The following ASIC2 variants were observed in gnomAD, a reference collection of about 807,000 sequenced individuals.
The protein encoded by ASIC2 is acid sensing ion channel subunit 2.
In ASIC2, 25 loss-of-function variants were observed where a neutral mutation model predicts 57.3. That is an observed-to-expected ratio of 0.44 (90% confidence interval 0.32 to 0.61). The LOEUF (loss-of-function observed/expected upper bound fraction) is 0.61, where lower values mean the gene tolerates loss of function less well. ASIC2 is among the 20% of genes least tolerant of loss of function. The pLI, the probability that ASIC2 is intolerant of heterozygous loss-of-function variation, is 0.06. For synonymous variants in ASIC2, 319 were observed against 307.5 expected, an observed-to-expected ratio of 1.04 and a Z score of -0.39; for missense variants, 641 against 738.1, an observed-to-expected ratio of 0.87 and a Z score of 1.52.
intron 1 of ASIC2, among the ~76,000 whole-genome samples, chr17:33,316,529 C>T (rs1218354813): frequency 6.6e-6 from 1 of 152,218 alleles, no homozygotes; most frequent in Non-Finnish European, 1.5e-5. Flanking sequence ...CTCAAGTCAT[C>T]CGCCCATCTT....
chr17:33,229,529 G>A (rs954478098), intron 1 of ASIC2, among the ~76,000 whole-genome samples: 9 of 152,148 alleles, frequency 5.9e-5, no homozygotes, highest in African/African-American at 9.7e-5. Flanking sequence ...AAGAGAAAAC[G>A]CCTGAGCTGG....
Position 33,060,252 on chromosome 17 carries a change from A to G in ASIC2, c.987+28611T>C, listed in dbSNP as rs144105361. On this transcript the variant is annotated intron_variant, in intron 3 of 9. Transcript: ENST00000225823. ...GTCCTTGCCCATGCCTATGTCCTGA[A>G]TGGTATTGCCTAGGTTTTCTTCTAG... Among the ~76,000 whole-genome samples, 1,427 of 152,242 alleles carry G rather than the reference A, an allele frequency of 9.4e-3. 23 individuals carry two copies. Among genetic ancestry groups the G allele is most frequent in the Middle Eastern group, 0.061 (18 of 294 alleles).
intron 1 of ASIC2, among the ~76,000 whole-genome samples, chr17:33,600,125 A>T (rs1294330265): frequency 6.6e-6 from 1 of 152,144 alleles, no homozygotes; most frequent in Non-Finnish European, 1.5e-5. Context: ...AATCCTTTTC[A>T]TGGGTAAGTC....
chr17:34,038,570 G>A (rs538408051), intron 1 of ASIC2: 47 of 1,608,950 alleles, frequency 2.9e-5, no homozygotes, highest in East Asian at 1.1e-4. Flanking sequence ...GTCATTTAGC[G>A]TTGGATGATA....
chr17:33,283,527 C>T (rs1313646547), intron 1 of ASIC2, among the ~76,000 whole-genome samples: 1 of 152,182 alleles, frequency 6.6e-6, no homozygotes, highest in Non-Finnish European at 1.5e-5. Flanking sequence ...AGTTTAGTAC[C>T]AGTTCTTTTC....
At chr17:33,615,807 C>T (rs1023594203) in intron 1 of ASIC2, among the ~76,000 whole-genome samples, 85 of 152,156 alleles carry the variant, frequency 5.6e-4, no homozygotes, top group African/African-American at 2.0e-3. Context: ...ACATTAATAA[C>T]TCTTGAACTT....
chr17:33,108,287 C>A (rs2092243193), intron 2 of ASIC2, among the ~76,000 whole-genome samples: 1 of 152,208 alleles, frequency 6.6e-6, no homozygotes, highest in Non-Finnish European at 1.5e-5. Context: ...CTGCCACGGG[C>A]ACATTTCAAT....
chr17:34,032,902 C>A (rs1276498261), intron 1 of ASIC2, among the ~76,000 whole-genome samples: 3 of 152,140 alleles, frequency 2.0e-5, no homozygotes, highest in Admixed American at 2.0e-4. Flanking sequence ...AAGACTCCCA[C>A]ACAATAATAA....
chr17:34,014,751 G>T (rs556579606), intron 1 of ASIC2, among the ~76,000 whole-genome samples: 86 of 152,324 alleles, frequency 5.6e-4, no homozygotes, highest in Middle Eastern at 6.8e-3. Context: ...TGGGGACATG[G>T]ATAGCTCCCC....
chr17:33,522,332 C>T (rs890781063), intron 1 of ASIC2, among the ~76,000 whole-genome samples: 4 of 152,228 alleles, frequency 2.6e-5, no homozygotes, highest in Admixed American at 6.5e-5. Flanking sequence ...GCAGAGCATT[C>T]GGACTCCTCT....
chr17:33,719,522 T>A (rs1378676282), intron 1 of ASIC2, among the ~76,000 whole-genome samples: 1 of 152,238 alleles, frequency 6.6e-6, no homozygotes, highest in Non-Finnish European at 1.5e-5. Context: ...ATACTCACTT[T>A]GTTGGAATAA....
chr17:33,121,821 A>G (rs1287246008), intron 1 of ASIC2, among the ~76,000 whole-genome samples: 2 of 152,180 alleles, frequency 1.3e-5, no homozygotes, highest in Non-Finnish European at 2.9e-5. Flanking sequence ...GTGGATAATT[A>G]TTAAGACAGA....
Position 33,244,410 on chromosome 17 carries a change from G to A in ASIC2, c.708+46998C>T, listed in dbSNP as rs370036647. ...ACATCATTTGGTGATCTTTTTGGTCGAATTAATCAGATCACTGTTTACGTG... is the reference window on the plus strand; with the variant it reads ...ACATCATTTGGTGATCTTTTTGGTCAAATTAATCAGATCACTGTTTACGTG... On this transcript the variant is annotated intron_variant, in intron 1 of 9. Coordinates refer to ENST00000225823, the MANE Select transcript of ASIC2 (RefSeq NM_183377.2). 4.5e-4 allele frequency among the ~76,000 whole-genome samples: 68 copies of A among 152,298 alleles called. No individual in the cohort carries two copies. The South Asian group carries it at 0.012, about 28-fold the overall frequency.
chr17:33,541,132 TG>T lies in ASIC2; in HGVS notation c.556-429066del, dbSNP rs564777596. 2.7e-3 allele frequency among the ~76,000 whole-genome samples: 415 copies of T among 152,286 alleles called. 5 individuals are homozygous for T. The highest frequency in any genetic ancestry group is 0.025 in the Admixed American group (386 of 15,296). On this transcript the variant is annotated intron_variant, in intron 1 of 9. Coordinates refer to the ASIC2 transcript ENST00000359872. Reference sequence around the variant, plus strand: ...TTAATGTAGAGGGAAGTAGTAGAATTGGTTTTGCCATCTTAAGGTTGACAAG... The same window carrying T: ...TTAATGTAGAGGGAAGTAGTAGAATTGTTTTGCCATCTTAAGGTTGACAAG...
intron 1 of ASIC2, among the ~76,000 whole-genome samples, chr17:34,103,709 T>C (rs1437917236): frequency 6.6e-6 from 1 of 152,196 alleles, no homozygotes; most frequent in Admixed American, 6.5e-5. Flanking sequence ...TTGTTGAAAA[T>C]ACTTTCCTTT....
At chr17:33,970,459 C>T (rs1461601997) in intron 1 of ASIC2, among the ~76,000 whole-genome samples, 3 of 152,170 alleles carry the variant, frequency 2.0e-5, no homozygotes, top group Admixed American at 6.5e-5. Context: ...CACACTGCTC[C>T]CCTGCTGAGC....
At chr17:33,636,385 G>A (rs528213094) in intron 1 of ASIC2, among the ~76,000 whole-genome samples, 1 of 152,152 alleles carries the variant, frequency 6.6e-6, no homozygotes, top group African/African-American at 2.4e-5. Flanking sequence ...GGGGAAGAAG[G>A]CAGCCTTCAG....
intron 1 of ASIC2, among the ~76,000 whole-genome samples, chr17:33,462,828 G>A: frequency 6.6e-6 from 1 of 152,180 alleles, no homozygotes; most frequent in East Asian, 1.9e-4. Flanking sequence ...TGTAGTTAGT[G>A]TTTCCCTGCT....
chr17:33,853,280 T>C (rs1314383135), intron 1 of ASIC2, among the ~76,000 whole-genome samples: 1 of 152,122 alleles, frequency 6.6e-6, no homozygotes, highest in Admixed American at 6.5e-5. Flanking sequence ...TAGAGATTCC[T>C]TTTAGCAAAG....
Sources: gnomAD v4.1 joint callset for allele counts (sites outside exome capture counted in the v4.1 genomes callset) on GRCh38, gnomAD v4.1.1 for gene constraint, MANE v1.5 for transcripts, NCBI Gene and HGNC (gene_info 2026-07-23, HGNC 2026-07-21) for gene names.